Variants in PAAF1 observed in about 807,000 individuals in gnomAD.
The protein encoded by PAAF1 is proteasomal ATPase associated factor 1, also known as proteasomal ATPase-associated factor 1.
In PAAF1, 46 loss-of-function variants were observed where a neutral mutation model predicts 52.8. That is an observed-to-expected ratio of 0.87 (90% CI 0.69 to 1.11). PAAF1 has a LOEUF of 1.11. Ranked by LOEUF, PAAF1 falls within the 50% of genes most tolerant of loss-of-function variation. PAAF1 has a pLI of 0.00. For synonymous variants in PAAF1, 178 were observed against 172.8 expected, an observed-to-expected ratio of 1.03 and a Z score of -0.24; for missense variants, 424 against 477.4, an observed-to-expected ratio of 0.89 and a Z score of 1.04.
At chr11:73,913,401 C>G (rs918753796) in intron 7 of PAAF1, among the ~76,000 whole-genome samples, 8 of 151,952 alleles carry the variant, frequency 5.3e-5, no homozygotes, top group Non-Finnish European at 1.0e-4. Context: ...TCAAGACTAG[C>G]CTGGGCAATA....
chr11:73,899,202 C>T lies in PAAF1; in HGVS notation c.339C>T (p.Asp113=), dbSNP rs369147574. 1.9e-5 allele frequency: 30 copies of T among 1,613,838 alleles called. No homozygotes were observed. The highest frequency in any genetic ancestry group is 2.1e-5 in the Non-Finnish European group (25 of 1,179,980). The change falls in exon 5 of 12, where the codon GAC becomes GAT. Residue 113 remains aspartate, a synonymous_variant. Transcript: ENST00000310571. Reference sequence around the variant, plus strand: ...GTCTTGGTGTGTCTTCTAGTACTGACGGGACCATGAAAATCTGGCAGGCTT... The same window carrying T: ...GTCTTGGTGTGTCTTCTAGTACTGATGGGACCATGAAAATCTGGCAGGCTT... ...RGGLGVSSST[D]GTMKIWQASN...
intron 8 of PAAF1, among the ~76,000 whole-genome samples, chr11:73,915,419 C>CA (rs1159572755): frequency 7.2e-5 from 11 of 151,906 alleles, no homozygotes; most frequent in South Asian, 2.1e-4. Context: ...CTGGCCTGGG[C>CA]AAAAAAACCC....
chr11:73,924,575 G>A, intron 10 of PAAF1, 40 bp from the exon 11 acceptor site: 1 of 1,533,184 alleles, frequency 6.5e-7, no homozygotes, highest in East Asian at 2.2e-5. Flanking sequence ...TCTGGATGCA[G>A]TTTTCTCTTA....
chr11:73,924,737 TGA>T (rs1950307728), intron 11 of PAAF1, 40 bp downstream of exon 11: 1 of 1,526,268 alleles, frequency 6.6e-7, no homozygotes, highest in Admixed American at 1.7e-5. Flanking sequence ...GTGATTCTCA[TGA>T]GAGATCTAGG....
Position 73,927,491 on chromosome 11 carries a change from A to G in PAAF1, c.*129A>G, listed in dbSNP as rs1319514948. 2.6e-6 allele frequency: 2 copies of G among 774,684 alleles called. No homozygotes were observed. The highest frequency in any genetic ancestry group is 5.3e-5 in the East Asian group (2 of 37,538). The allele number at this position is 774,684 out of a possible 1,614,324, so 48.0% of individuals were successfully genotyped here. A position where few individuals can be genotyped will look rare whatever the true frequency, so the allele number is the denominator to read the frequency against. Reference sequence around the variant, plus strand: ...TGGGCACCCCTTGGAAATCACAGAAAGTCAGCTGTACTGGCCGTGTGGAAC... The same window carrying G: ...TGGGCACCCCTTGGAAATCACAGAAGGTCAGCTGTACTGGCCGTGTGGAAC... On this transcript the variant is annotated 3_prime_UTR_variant, in exon 12 of 12. Transcript: ENST00000310571.
At chr11:73,897,400 T>C (rs1476244810) in intron 4 of PAAF1, among the ~76,000 whole-genome samples, 286 of 141,812 alleles carry the variant, frequency 2.0e-3, no homozygotes, top group African/African-American at 6.8e-3. Flanking sequence ...GGGTGGCTGC[T>C]GGGCGGAGGG....
chr11:73,896,920 C>CG lies in PAAF1; in HGVS notation c.283-2219dup, dbSNP rs1331965138. 3.5e-4 allele frequency among the ~76,000 whole-genome samples: 52 copies of CG among 148,726 alleles called. No homozygotes were observed. In the South Asian group the frequency reaches 4.9e-3, roughly 14 times the overall value. On this transcript the variant is annotated intron_variant, in intron 4 of 11. Transcript: ENST00000310571. ...CTCCCGGACGGGGCGGCTGGCCGGA[C>CG]GGGGGGGCTGACCCCCCAGACCTCC...
rs764631532 is a variant in PAAF1 at position 73,887,479 on chromosome 11, A to AT, written c.192+23dup. 10 of 1,509,278 alleles carry AT rather than the reference A, an allele frequency of 6.6e-6. No homozygotes were observed. In the African/African-American group the frequency reaches 1.4e-4, roughly 21 times the overall value. 93.5% of individuals were successfully genotyped at this position (1,509,278 alleles called of 1,614,324 possible). On this transcript the variant is annotated intron_variant, in intron 3 of 11. Coordinates refer to ENST00000310571, the MANE Select transcript of PAAF1 (RefSeq NM_025155.3). ...CAAGGTATGTTTTTATGTCTTCTAG[A>AT]TGGCATGATATTTAAAACTATGGTA...
At chr11:73,918,156 T>C (rs965284069) in intron 9 of PAAF1, among the ~76,000 whole-genome samples, 1 of 152,070 alleles carries the variant, frequency 6.6e-6, no homozygotes, top group East Asian at 1.9e-4. Flanking sequence ...TGAAGGCATG[T>C]GAAGGGGATT....
chr11:73,921,839 G>A, intron 10 of PAAF1: 2 of 1,119,004 alleles, frequency 1.8e-6, no homozygotes, highest in Non-Finnish European at 2.7e-6. Context: ...GCAGGTTTGG[G>A]ATACATTGCA....
At chr11:73,877,570 T>C (rs556105569) in intron 1 of PAAF1, among the ~76,000 whole-genome samples, 1 of 152,184 alleles carries the variant, frequency 6.6e-6, no homozygotes, top group South Asian at 2.1e-4. Context: ...TAAATATAAG[T>C]GATGGTTCCT....
chr11:73,897,365 G>A (rs1355285437), intron 4 of PAAF1, among the ~76,000 whole-genome samples: 5 of 150,608 alleles, frequency 3.3e-5, no homozygotes, highest in Admixed American at 6.6e-5. Flanking sequence ...GCTGCTGGGC[G>A]GAGGGGCTCC....
chr11:73,906,818 G>C (rs567955393), intron 6 of PAAF1, among the ~76,000 whole-genome samples: 1 of 152,306 alleles, frequency 6.6e-6, no homozygotes, highest in Non-Finnish European at 1.5e-5. Context: ...TTGTGTATCT[G>C]AAGTCATTTC....
chr11:73,883,746 C>T (rs1442717498), intron 2 of PAAF1, among the ~76,000 whole-genome samples: 1 of 152,136 alleles, frequency 6.6e-6, no homozygotes, highest in Non-Finnish European at 1.5e-5. Flanking sequence ...GTCTTGAACT[C>T]TTGGCCTCAA....
intron 2 of PAAF1, among the ~76,000 whole-genome samples, chr11:73,882,503 G>C (rs1948943001): frequency 1.3e-5 from 2 of 151,520 alleles, no homozygotes; most frequent in Non-Finnish European, 2.9e-5. Flanking sequence ...CTGGAGTGCA[G>C]TGGTGCGATC....
At chr11:73,899,504 T>C (rs1011453305) in intron 5 of PAAF1, among the ~76,000 whole-genome samples, 4 of 148,194 alleles carry the variant, frequency 2.7e-5, no homozygotes, top group Non-Finnish European at 1.5e-5. Flanking sequence ...CTCCGCCTCC[T>C]GGGTTCAAGC....
At chr11:73,899,408 C>CTTTTTTTTTTT (rs71065053) in intron 5 of PAAF1, among the ~76,000 whole-genome samples, 164 bp downstream of exon 5, 1 of 101,196 alleles carries the variant, frequency 9.9e-6, no homozygotes, top group African/African-American at 3.9e-5. Context: ...TTCTTTTTCT[C>CTTTTTTTTTTT]TTTTTTTTTT....
chr11:73,881,688 C>T (rs1948912496), intron 2 of PAAF1, among the ~76,000 whole-genome samples: 1 of 152,054 alleles, frequency 6.6e-6, no homozygotes, highest in African/African-American at 2.4e-5. Context: ...CCTTCAACAA[C>T]CAAGGAGTTT....
At chr11:73,895,693 A>G (rs1291569792) in intron 4 of PAAF1, among the ~76,000 whole-genome samples, 2 of 152,234 alleles carry the variant, frequency 1.3e-5, no homozygotes, top group African/African-American at 2.4e-5. Flanking sequence ...ATCTTGGTCC[A>G]TCATTTCTGG....
Sources: allele counts gnomAD v4.1 joint callset (sites outside exome capture counted in the v4.1 genomes callset), GRCh38; gene constraint gnomAD v4.1.1; transcripts MANE v1.5; gene names NCBI Gene and HGNC (gene_info 2026-07-23, HGNC 2026-07-21).